The following CRYM variants were observed in gnomAD, a reference collection of about 807,000 sequenced individuals.
CRYM encodes the protein ketimine reductase mu-crystallin.
Under a neutral mutation model 32.9 loss-of-function variants are expected in CRYM, and 18 were observed. The ratio of observed to expected loss-of-function variants is 0.55; its 90% CI spans 0.38 to 0.81. The LOEUF (loss-of-function observed/expected upper bound fraction) is 0.81. Among genes scored for constraint, CRYM ranks in the 30% least tolerant of loss-of-function variants. CRYM has a pLI of 0.00. For synonymous variants in CRYM, 153 were observed against 152.4 expected (o/e 1.00, Z -0.03); for missense variants, 337 against 393.5 (o/e 0.86, Z 1.21).
chr16:21,290,202 T>G (rs1027172103), intron 1 of CRYM, among the ~76,000 whole-genome samples: 3 of 152,128 alleles, frequency 2.0e-5, no homozygotes, highest in African/African-American at 7.2e-5. Flanking sequence ...CTGTTCACAA[T>G]AAGTCTTGCT....
chr16:21,285,277 T>G (rs1398373351), intron 1 of CRYM, among the ~76,000 whole-genome samples: 2 of 152,228 alleles, frequency 1.3e-5, no homozygotes, highest in Non-Finnish European at 2.9e-5. Flanking sequence ...AAAAGTTGGC[T>G]TTGCTGGGAC....
intron 3 of CRYM, 151 bp downstream of exon 3, chr16:21,275,380 TG>T (rs2093384217): frequency 1.5e-6 from 1 of 685,038 alleles, no homozygotes; most frequent in Non-Finnish European, 2.7e-6. Context: ...AATAATTTCG[TG>T]AATTACTGAT....
intron 1 of CRYM, among the ~76,000 whole-genome samples, chr16:21,289,580 G>A (rs1475444397): frequency 6.6e-6 from 1 of 152,300 alleles, no homozygotes; most frequent in Non-Finnish European, 1.5e-5. Flanking sequence ...TGTAATCACT[G>A]ATAGGGAAAG....
At chr16:21,298,923 G>T (rs1226815435) in intron 1 of CRYM, among the ~76,000 whole-genome samples, 5 of 152,064 alleles carry the variant, frequency 3.3e-5, no homozygotes, top group Non-Finnish European at 7.4e-5. Context: ...AATTTCATTT[G>T]CTATAATCTA....
Position 21,261,259 on chromosome 16 carries a change from G to C in CRYM, c.875C>G (p.Ser292Cys). ...AHCEKTTVFK[S>C]LGMAVEDTVA... ...CAGGGAGCAATGGATCTTACCCAAA[G>C]ACTTGAACACGGTGGTCTTCTCACA... Residue 292 changes from serine (S) to cysteine (C), a missense_variant, in exon 7 of 8, where the codon TCT (serine) becomes TGT (cysteine). Coordinates refer to ENST00000572914, the MANE Select transcript of CRYM (RefSeq NM_001376256.1). The C allele has an allele frequency of 6.2e-7, 1 of 1,613,186 alleles. No individual in the cohort carries two copies. The highest frequency in any genetic ancestry group is 8.5e-7 in the Non-Finnish European group (1 of 1,179,230).
chr16:21,272,010 C>T (rs1295115659), intron 3 of CRYM, among the ~76,000 whole-genome samples: 1 of 151,778 alleles, frequency 6.6e-6, no homozygotes, highest in Non-Finnish European at 1.5e-5. Flanking sequence ...AGGTATGTGC[C>T]ACCATACTTG....
Position 21,277,394 on chromosome 16 carries a change from G to A in CRYM, c.324+37C>T. ...ACTTTTGAGCTTCAATCTGGGCCCA[G>A]GGGCCCCATTCCACCCCGGGACAGG... On this transcript the variant is annotated intron_variant, in intron 2 of 7. Transcript: ENST00000572914. This position sits in a 1 kb window ranked among gnomAD's most constrained non-coding sequence, Gnocchi z 4.2. 1.9e-6 allele frequency: 3 copies of A among 1,608,718 alleles called. No individual in the cohort carries two copies. Among genetic ancestry groups the A allele is most frequent in the Non-Finnish European group, 2.5e-6 (3 of 1,179,176 alleles).
chr16:21,258,967 G>T, intron 7 of CRYM, 122 bp from the exon 8 acceptor site: 1 of 779,352 alleles, frequency 1.3e-6, no homozygotes, highest in East Asian at 2.5e-5. Flanking sequence ...TGGAATAACA[G>T]GGACTGATAC....
At chr16:21,301,385 G>A (rs535321372) in intron 1 of CRYM, 1 of 147,914 alleles carries the variant, frequency 6.8e-6, no homozygotes, top group South Asian at 2.2e-4. Context: ...CATGGGACGA[G>A]GTGGGTGAGC....
intron 1 of CRYM, chr16:21,283,986 G>T (rs554905509): frequency 6.6e-6 from 1 of 152,468 alleles, no homozygotes; most frequent in Non-Finnish European, 1.5e-5. Context: ...CGGGAGCCCC[G>T]GCCAGCCCTT....
chr16:21,295,224 G>T (rs1410706969), intron 1 of CRYM, among the ~76,000 whole-genome samples: 1 of 152,168 alleles, frequency 6.6e-6, no homozygotes, highest in Non-Finnish European at 1.5e-5. Context: ...TCTGGTTCTA[G>T]ATCCTTGAGG....
At chr16:21,279,865 C>T (rs2093395072), upstream of CRYM, among the ~76,000 whole-genome samples, 2 of 143,228 alleles carry the variant, frequency 1.4e-5, no homozygotes, top group Non-Finnish European at 3.1e-5. Context: ...CAGTGCTTGG[C>T]ACAGAGTAGC....
At chr16:21,286,952 T>C (rs984207009) in intron 1 of CRYM, among the ~76,000 whole-genome samples, 1 of 151,842 alleles carries the variant, frequency 6.6e-6, no homozygotes, top group South Asian at 2.1e-4. Context: ...TAGCTGGGCG[T>C]GGTGGTGGGC....
intron 1 of CRYM, among the ~76,000 whole-genome samples, chr16:21,301,544 G>A (rs1960932307): frequency 1.3e-5 from 2 of 152,178 alleles, no homozygotes; most frequent in South Asian, 4.1e-4. Context: ...CAACAGGTGG[G>A]GCGCACTGGA....
At chr16:21,265,232 C>A (rs780241524) in intron 5 of CRYM, among the ~76,000 whole-genome samples, 10 of 152,130 alleles carry the variant, frequency 6.6e-5, no homozygotes, top group Non-Finnish European at 1.2e-4. Flanking sequence ...CAGTCCCATG[C>A]AGCCTGAGAC....
chr16:21,262,043 C>T lies in CRYM; in HGVS notation c.789G>A (p.Leu263=). The T allele has an allele frequency of 6.2e-7, 1 of 1,614,024 alleles. No homozygotes were observed. The highest frequency in any genetic ancestry group is 8.5e-7 in the Non-Finnish European group (1 of 1,179,944). The change falls in exon 6 of 8, where the codon CTG becomes CTA. Residue 263 remains leucine (L), a synonymous_variant. Coordinates refer to ENST00000572914, the MANE Select transcript of CRYM (RefSeq NM_001376256.1). ...AALKESGDVL[L]SGAEIFAELG... ...GGGGTCAGAAGGGCCTCACCCCTGA[C>T]AGCAGGACATCTCCAGACTCCTTCA...
intron 3 of CRYM, among the ~76,000 whole-genome samples, chr16:21,270,282 TCTTTC>T (rs149196901): frequency 0.016 from 2,503 of 152,194 alleles, 84 homozygotes; most frequent in East Asian, 0.08. Flanking sequence ...TTTCTTTCTT[TCTTTC>T]TTTTCTTTTT....
intron 3 of CRYM, among the ~76,000 whole-genome samples, chr16:21,274,161 C>T (rs1250537961): frequency 1.3e-5 from 2 of 152,218 alleles, no homozygotes; most frequent in Non-Finnish European, 1.5e-5. Flanking sequence ...AGACTCCAAT[C>T]GTTCCCACAG....
chr16:21,301,678 G>A (rs1237197178), intron 1 of CRYM, among the ~76,000 whole-genome samples: 1 of 152,212 alleles, frequency 6.6e-6, no homozygotes, highest in East Asian at 1.9e-4. Flanking sequence ...CGCACCTCCT[G>A]CCTTCCGCAC....
Sources: allele counts gnomAD v4.1 joint callset (sites outside exome capture counted in the v4.1 genomes callset), GRCh38; gene constraint gnomAD v4.1.1; non-coding constraint Gnocchi (gnomAD v3.1); transcripts MANE v1.5; gene names NCBI Gene and HGNC (gene_info 2026-07-23, HGNC 2026-07-21).